Variants in FAM83B observed in about 807,000 individuals in gnomAD.
FAM83B encodes the protein scaffolding CK1 anchoring protein B.
A neutral mutation model predicts 38.8 loss-of-function variants in FAM83B; 26 were observed. The observed-to-expected ratio is 0.67, with a 90% CI of 0.49 to 0.93. The LOEUF (loss-of-function observed/expected upper bound fraction) is 0.93, where lower values mean the gene tolerates loss of function less well. Ranked by LOEUF, FAM83B falls within the 40% of genes least tolerant of loss-of-function variation. FAM83B has a pLI of 0.00. For synonymous variants in FAM83B, 419 were observed against 423.1 expected, an observed-to-expected ratio of 0.99 and a Z score of 0.12; for missense variants, 1,237 against 1,197.3, an observed-to-expected ratio of 1.03 and a Z score of -0.49.
intron 2 of FAM83B, among the ~76,000 whole-genome samples, chr6:54,882,487 TG>T (rs766409267): frequency 6.6e-6 from 1 of 152,208 alleles, no homozygotes; most frequent in South Asian, 2.1e-4. Flanking sequence ...TATTTGAGCC[TG>T]GGTCATGGGC....
At chr6:54,921,239 C>T (rs570722752) in intron 2 of FAM83B, among the ~76,000 whole-genome samples, 3 of 151,888 alleles carry the variant, frequency 2.0e-5, no homozygotes, top group Non-Finnish European at 4.4e-5. Context: ...CTCTGAATTA[C>T]CATTCCCGTG....
Position 54,940,530 on chromosome 6 carries a change from T to C in FAM83B, c.1559T>C (p.Phe520Ser), listed in dbSNP as rs1773649916. Residue 520 changes from phenylalanine (F) to serine (S), a missense_variant, in exon 5 of 5, where the codon TTT becomes TCT. Coordinates refer to ENST00000306858, the MANE Select transcript of FAM83B (RefSeq NM_001010872.3). ...DSNGSALGDR[F>S]EGYDNPENLK... ...AATGGATCAGCTTTAGGTGACCGAT[T>C]TGAGGGCTATGATAATCCTGAGAAT... 4 of 1,613,998 alleles carry C rather than the reference T, an allele frequency of 2.5e-6. No homozygotes were observed. The highest frequency in any genetic ancestry group is 1.7e-5 in the Admixed American group (1 of 59,966).
chr6:54,905,621 T>C (rs1175453216), intron 2 of FAM83B, among the ~76,000 whole-genome samples: 1 of 152,166 alleles, frequency 6.6e-6, no homozygotes, highest in Non-Finnish European at 1.5e-5. Flanking sequence ...AAACTTTGTG[T>C]GTGTAAAAAA....
In FAM83B at chr6:54,940,799, A is replaced by G; in HGVS notation, c.1828A>G (p.Lys610Glu). 6.2e-7 allele frequency: 1 copy of G among 1,614,040 alleles called. No individual in the cohort carries two copies. Among genetic ancestry groups the G allele is most frequent in the Admixed American group, 1.7e-5 (1 of 59,968 alleles). ...GCTCCCATTGCAGTCAGAGGCACCA[A>G]AAATGCACACCTTGCAGGTTCCTGA... ...PKLPLQSEAP[K>E]MHTLQVPENH... Residue 610 changes from lysine to glutamate, a missense_variant, in exon 5 of 5, where the codon AAA becomes GAA. Physicochemically the swap from Lys to Glu is moderately conservative, Grantham distance 56. Coordinates refer to ENST00000306858, the MANE Select transcript of FAM83B (RefSeq NM_001010872.3).
chr6:54,913,654 GA>G (rs201695692), intron 2 of FAM83B, among the ~76,000 whole-genome samples: 4 of 149,114 alleles, frequency 2.7e-5, no homozygotes, highest in South Asian at 4.2e-4. Context: ...GATAAAAATA[GA>G]AAAAAAAACC....
chr6:54,850,909 C>T (rs1003144652), intron 1 of FAM83B, among the ~76,000 whole-genome samples: 1 of 149,554 alleles, frequency 6.7e-6, no homozygotes, highest in African/African-American at 2.5e-5. Flanking sequence ...ATCCCAGCTA[C>T]TTGGGAGGCT....
intron 2 of FAM83B, among the ~76,000 whole-genome samples, chr6:54,915,544 C>T (rs1379100257): frequency 1.1e-5 from 1 of 91,268 alleles, no homozygotes; most frequent in Non-Finnish European, 2.1e-5. Flanking sequence ...CGGTGGCTCA[C>T]GCCTGTAATC....
chr6:54,847,512 T>C (rs1771169903), intron 1 of FAM83B, among the ~76,000 whole-genome samples: 2 of 151,952 alleles, frequency 1.3e-5, no homozygotes, highest in African/African-American at 4.8e-5. Context: ...CTACCAAAGT[T>C]TGAGAACCAC....
chr6:54,875,935 G>T (rs778421727), intron 2 of FAM83B, among the ~76,000 whole-genome samples: 83 of 152,146 alleles, frequency 5.5e-4, no homozygotes, highest in Non-Finnish European at 1.0e-3. Flanking sequence ...TTTTATGTTT[G>T]TTGAAGCAAA....
At chr6:54,919,339 G>T (rs1413580650) in intron 2 of FAM83B, among the ~76,000 whole-genome samples, 1 of 152,034 alleles carries the variant, frequency 6.6e-6, no homozygotes, top group Non-Finnish European at 1.5e-5. Context: ...AGTATTTTCA[G>T]TTCTATGATA....
chr6:54,870,507 A>G lies in FAM83B; in HGVS notation c.261A>G (p.Leu87=). Reference sequence around the variant, plus strand: ...CTGATGATTCCTGTGATGATACCTTATCTTCAGGGACCTACTGGCCTGTTG... The same window carrying G: ...CTGATGATTCCTGTGATGATACCTTGTCTTCAGGGACCTACTGGCCTGTTG... The part of the protein sequence containing the change: ...HGTDDSCDDT[L]SSGTYWPVES... Residue 87 remains leucine, a synonymous_variant, in exon 2 of 5, where the codon TTA becomes TTG. Coordinates refer to ENST00000306858, the MANE Select transcript of FAM83B (RefSeq NM_001010872.3). 1 of 1,613,982 alleles carries G rather than the reference A, an allele frequency of 6.2e-7. No individual in the cohort carries two copies. Among genetic ancestry groups the G allele is most frequent in the African/African-American group, 1.3e-5 (1 of 74,926 alleles).
chr6:54,942,310 G>C lies in FAM83B; in HGVS notation c.*303G>C, dbSNP rs994452152. Among the ~76,000 whole-genome samples, 2 of 151,882 alleles carry C rather than the reference G, an allele frequency of 1.3e-5. No individual in the cohort carries two copies. The highest frequency in any genetic ancestry group is 1.3e-4 in the Admixed American group (2 of 15,260). On this transcript the variant is annotated 3_prime_UTR_variant, in exon 5 of 5. Transcript: ENST00000306858. ...TAGAAATTTTTGTGGACGATGTATG[G>C]TGTATGGTGTATGGTGTATGGATTT...
At chr6:54,899,845 A>C (rs1369123913) in intron 2 of FAM83B, among the ~76,000 whole-genome samples, 1 of 152,162 alleles carries the variant, frequency 6.6e-6, no homozygotes, top group Non-Finnish European at 1.5e-5. Context: ...GGAAATACCA[A>C]ACTGAATGTT....
chr6:54,881,961 T>G (rs1056464205), intron 2 of FAM83B, among the ~76,000 whole-genome samples: 3 of 152,198 alleles, frequency 2.0e-5, no homozygotes, highest in Non-Finnish European at 4.4e-5. Context: ...CCCCACCCTG[T>G]GTCCCTGTGT....
chr6:54,940,271 G>A lies in FAM83B; in HGVS notation c.1300G>A (p.Val434Ile). The change falls in exon 5 of 5, where the codon GTA becomes ATA. Residue 434 changes from valine to isoleucine, a missense_variant. Coordinates refer to ENST00000306858, the MANE Select transcript of FAM83B (RefSeq NM_001010872.3). ...SVASSSREGYVSHHNTPAQSF... is the reference protein window; with the variant it reads ...SVASSSREGYISHHNTPAQSF... Reference sequence around the variant, plus strand: ...GGCGTCCTCATCACGGGAAGGCTATGTAAGCCACCACAACACACCTGCCCA... The same window carrying A: ...GGCGTCCTCATCACGGGAAGGCTATATAAGCCACCACAACACACCTGCCCA... 1 of 1,614,050 alleles carries A rather than the reference G, an allele frequency of 6.2e-7. No individual in the cohort carries two copies. Among genetic ancestry groups the A allele is most frequent in the South Asian group, 1.1e-5 (1 of 91,092 alleles).
chr6:54,944,585 G>A lies in FAM83B; in HGVS notation c.*2578G>A, dbSNP rs755276206. The A allele has an allele frequency of 5.9e-5, 9 of 152,146 alleles. No homozygotes were observed. The highest frequency in any genetic ancestry group is 1.2e-4 in the Non-Finnish European group (8 of 68,028). 9.4% of individuals were successfully genotyped at this position (152,146 alleles called of 1,614,324 possible). ...CTACACTTGTGGAAGCAAATATCTT[G>A]TTTAATCAAGATGATGTCTAGTGTC... is the stretch of plus-strand genomic sequence containing the variant. On this transcript the variant is annotated 3_prime_UTR_variant, in exon 5 of 5. Transcript: ENST00000306858.
At chr6:54,900,096 G>A (rs1772627478) in intron 2 of FAM83B, among the ~76,000 whole-genome samples, 1 of 152,158 alleles carries the variant, frequency 6.6e-6, no homozygotes. Context: ...CATTTGTTAT[G>A]CAAAATATCA....
chr6:54,937,733 C>T (rs1356580787), intron 4 of FAM83B, among the ~76,000 whole-genome samples: 1 of 152,046 alleles, frequency 6.6e-6, no homozygotes, highest in Admixed American at 6.6e-5. Flanking sequence ...TCAGCAGAAA[C>T]CAGGCCTCTT....
At chr6:54,857,369 G>A (rs1159250263) in intron 1 of FAM83B, among the ~76,000 whole-genome samples, 1 of 152,138 alleles carries the variant, frequency 6.6e-6, no homozygotes, top group East Asian at 1.9e-4. Flanking sequence ...TGCCTGTGGT[G>A]TTTTTGTCTA....
Sources: gnomAD v4.1 joint callset for allele counts (sites outside exome capture counted in the v4.1 genomes callset) on GRCh38, gnomAD v4.1.1 for gene constraint, MANE v1.5 for transcripts, NCBI Gene and HGNC (gene_info 2026-07-23, HGNC 2026-07-21) for gene names.